FAM53B: variants seen among roughly 807,000 people sequenced by gnomAD.
The protein encoded by FAM53B is family with sequence similarity 53 member B, also known as protein FAM53B.
A neutral mutation model predicts 32.7 loss-of-function variants in FAM53B; 12 were observed. The ratio of observed to expected loss-of-function variants is 0.37; its 90% confidence interval spans 0.24 to 0.59. FAM53B has a LOEUF of 0.59. Ranked by LOEUF, FAM53B falls within the 20% of genes least tolerant of loss-of-function variation. The probability of loss-of-function intolerance (pLI) is 0.72; values close to 1 mark genes in which losing one functional copy is unlikely to be tolerated. For missense variants in FAM53B, 477 were observed against 577.7 expected, an observed-to-expected ratio of 0.83 and a Z score of 1.79; for synonymous variants, 234 against 228.7, an observed-to-expected ratio of 1.02 and a Z score of -0.21.
rs555592785 is a variant in FAM53B, at chr10:124,651,293, G to A, written c.907-27689C>T. 1.3e-5 allele frequency among the ~76,000 whole-genome samples: 2 copies of A among 152,202 alleles called. No homozygotes were observed. Among genetic ancestry groups the A allele is most frequent in the Admixed American group, 6.5e-5 (1 of 15,280 alleles). On this transcript the variant is annotated intron_variant, in intron 4 of 4. Coordinates refer to ENST00000337318, the MANE Select transcript of FAM53B (RefSeq NM_014661.4). This position sits in a 1 kb window ranked among gnomAD's most constrained non-coding sequence, Gnocchi z 5.2. ...CCCAGGGCCCTAACTCAGTTCCCTCGTGTTCCATTTCCCTCTGCACCTTCC... is the reference window on the plus strand; with the variant it reads ...CCCAGGGCCCTAACTCAGTTCCCTCATGTTCCATTTCCCTCTGCACCTTCC...
intron 1 of FAM53B, among the ~76,000 whole-genome samples, chr10:124,718,707 A>C (rs568659078): frequency 6.6e-6 from 1 of 152,378 alleles, no homozygotes; most frequent in Admixed American, 6.5e-5. Context: ...AGATCAAAAT[A>C]GCACCAGATT....
rs560889468 is a variant in FAM53B, at chr10:124,724,843, T to A, written c.-174-17956A>T. ...GTCACGATCATCTCAGACTCCCGAGTTACAAATATGTGATCAAGGCATGTG... is the reference window on the plus strand; with the variant it reads ...GTCACGATCATCTCAGACTCCCGAGATACAAATATGTGATCAAGGCATGTG... On this transcript the variant is annotated intron_variant, in intron 1 of 4. Coordinates refer to ENST00000337318, the MANE Select transcript of FAM53B (RefSeq NM_014661.4). Among the ~76,000 whole-genome samples the A allele has an allele frequency of 3.7e-4, 56 of 152,216 alleles. 3 individuals are homozygous for A. The South Asian group carries it at 0.011, about 30-fold the overall frequency.
chr10:124,668,793 C>A (rs747387110), intron 4 of FAM53B, among the ~76,000 whole-genome samples: 6 of 152,370 alleles, frequency 3.9e-5, no homozygotes, highest in Non-Finnish European at 8.8e-5. Flanking sequence ...TACGGCACAG[C>A]CACCGTTACA....
At chr10:124,693,170 C>T (rs966869519) in intron 3 of FAM53B, among the ~76,000 whole-genome samples, 6 of 152,108 alleles carry the variant, frequency 3.9e-5, no homozygotes, top group Admixed American at 6.5e-5. Flanking sequence ...ATTCTCTTCC[C>T]CACTGTTGAA....
intron 2 of FAM53B, among the ~76,000 whole-genome samples, 177 bp from the exon 3 acceptor site, chr10:124,696,389 ATT>A (rs755235264): frequency 6.6e-6 from 1 of 152,162 alleles, no homozygotes; most frequent in Non-Finnish European, 1.5e-5. Flanking sequence ...TTAGGCCCAG[ATT>A]TTTTGTCCCA....
intron 4 of FAM53B, among the ~76,000 whole-genome samples, chr10:124,676,580 G>A (rs1333254164): frequency 6.7e-6 from 1 of 149,894 alleles, no homozygotes; most frequent in Non-Finnish European, 1.5e-5. Flanking sequence ...CCTCAAAGGC[G>A]GCCCCACCAG....
chr10:124,734,931 G>C (rs1950164952), intron 1 of FAM53B, among the ~76,000 whole-genome samples: 1 of 152,212 alleles, frequency 6.6e-6, no homozygotes, highest in Non-Finnish European at 1.5e-5. Flanking sequence ...TCCAAGCCAA[G>C]GGCTCCTTTC....
rs753762523 is a variant in FAM53B at position 124,623,205 on chromosome 10, G to C, written c.*37C>G. 7 of 1,535,816 alleles carry C rather than the reference G, an allele frequency of 4.6e-6. No homozygotes were observed. The highest frequency in any genetic ancestry group is 6.1e-6 in the Non-Finnish European group (7 of 1,140,596). On this transcript the variant is annotated 3_prime_UTR_variant, in exon 5 of 5. Transcript: ENST00000337318. ...AGTGCCCAGAGTGGGGGCTGTCGAT[G>C]CCAGCACACCCCAGCCCTGCCTGGG...
chr10:124,648,472 T>A (rs1949534648), intron 4 of FAM53B, among the ~76,000 whole-genome samples: 2 of 152,102 alleles, frequency 1.3e-5, no homozygotes, highest in Non-Finnish European at 2.9e-5. Flanking sequence ...ATCTCCCCGC[T>A]CCTTGGGAGC....
intron 4 of FAM53B, among the ~76,000 whole-genome samples, chr10:124,640,280 G>A (rs868715816): frequency 9.9e-5 from 15 of 152,208 alleles, no homozygotes; most frequent in Admixed American, 7.9e-4. Flanking sequence ...ACACCTCTCC[G>A]GCCAGCACCC....
At chr10:124,695,617 A>G (rs982135608) in intron 3 of FAM53B, among the ~76,000 whole-genome samples, 9 of 152,236 alleles carry the variant, frequency 5.9e-5, no homozygotes, top group African/African-American at 2.2e-4. Flanking sequence ...ATGTAGTTAC[A>G]TCACTAAAGA....
At chr10:124,631,188 TGG>T (rs1016887160) in intron 4 of FAM53B, among the ~76,000 whole-genome samples, 61 of 152,316 alleles carry the variant, frequency 4.0e-4, no homozygotes, top group African/African-American at 1.4e-3. Flanking sequence ...CTGTGCATCC[TGG>T]GGGCACCCCT....
At chr10:124,652,282 T>C (rs1487695338) in intron 4 of FAM53B, among the ~76,000 whole-genome samples, 1 of 152,178 alleles carries the variant, frequency 6.6e-6, no homozygotes, top group Non-Finnish European at 1.5e-5. Context: ...GGTCTTACCA[T>C]GTGCACAATA....
intron 4 of FAM53B, among the ~76,000 whole-genome samples, chr10:124,632,382 A>C (rs768338605): frequency 5.9e-5 from 9 of 152,262 alleles, no homozygotes; most frequent in Non-Finnish European, 1.2e-4. Flanking sequence ...TCTTTGCCTA[A>C]CAAAAGTCAA....
Position 124,623,022 on chromosome 10 carries a change from C to T in FAM53B, c.*220G>A, listed in dbSNP as rs1184346421. 6 of 567,346 alleles carry T rather than the reference C, an allele frequency of 1.1e-5. No individual in the cohort carries two copies. Among genetic ancestry groups the T allele is most frequent in the Admixed American group, 3.5e-5 (1 of 28,478 alleles). 35.1% of individuals were successfully genotyped at this position (567,346 alleles called of 1,614,324 possible). On this transcript the variant is annotated 3_prime_UTR_variant, in exon 5 of 5. Transcript: ENST00000337318. ...AGTTCTGTGGACCTGGTGGCTGCCA[C>T]GCTCGGGGAGCCGGTGAGAGGCTGA...
chr10:124,664,165 G>A (rs533256463), intron 4 of FAM53B, among the ~76,000 whole-genome samples: 1 of 152,198 alleles, frequency 6.6e-6, no homozygotes, highest in African/African-American at 2.4e-5. Flanking sequence ...GAGAAGGGAT[G>A]GAGCTTGCAC....
rs568495588 is a variant in FAM53B, at chr10:124,631,855, C to T, written c.907-8251G>A. Among the ~76,000 whole-genome samples, 5 of 152,330 alleles carry T rather than the reference C, an allele frequency of 3.3e-5. No homozygotes were observed. The South Asian group carries it at 1.0e-3, about 32-fold the overall frequency. Reference sequence around the variant, plus strand: ...CCAAAACCCGCCTCTGCAGCAGCCACTCCGGAAGCAGGCCCAAGCTCCTGT... The same window carrying T: ...CCAAAACCCGCCTCTGCAGCAGCCATTCCGGAAGCAGGCCCAAGCTCCTGT... On this transcript the variant is annotated intron_variant, in intron 4 of 4. Coordinates refer to ENST00000337318, the MANE Select transcript of FAM53B (RefSeq NM_014661.4).
In FAM53B at chr10:124,693,431, C is replaced by T. The variant is rs180985936; in HGVS notation, c.133+2727G>A. On this transcript the variant is annotated intron_variant, in intron 3 of 4. Coordinates refer to ENST00000337318, the MANE Select transcript of FAM53B (RefSeq NM_014661.4). ...GTTGCCGTGGGCCAAGATCACACCA[C>T]TGCCCTCCAGCCTGGCGACAGTGAG... Among the ~76,000 whole-genome samples the T allele has an allele frequency of 3.4e-3, 520 of 151,122 alleles. 2 individuals carry two copies. Among genetic ancestry groups the T allele is most frequent in the African/African-American group, 0.012 (504 of 41,088 alleles).
chr10:124,693,965 C>T (rs976682662), intron 3 of FAM53B, among the ~76,000 whole-genome samples: 3 of 152,218 alleles, frequency 2.0e-5, no homozygotes, highest in Non-Finnish European at 4.4e-5. Flanking sequence ...AAACAAACTG[C>T]AGTCAGTGAA....
Sources: allele counts gnomAD v4.1 joint callset (sites outside exome capture counted in the v4.1 genomes callset), GRCh38; gene constraint gnomAD v4.1.1; non-coding constraint Gnocchi (gnomAD v3.1); transcripts MANE v1.5; gene names NCBI Gene and HGNC (gene_info 2026-07-23, HGNC 2026-07-21).